The following USP13 variants were observed in gnomAD, a reference collection of about 807,000 sequenced individuals.
USP13 encodes the protein ubiquitin specific peptidase 13.
Under a neutral mutation model 107.8 loss-of-function variants are expected in USP13, and 68 were observed. That is an observed-to-expected ratio of 0.63 (90% CI 0.52 to 0.77). The LOEUF is 0.77. Among genes scored for constraint, USP13 ranks in the 30% least tolerant of loss-of-function variants. USP13 has a pLI of 0.00. For synonymous variants in USP13, 377 were observed against 389.5 expected, an observed-to-expected ratio of 0.97 and a Z score of 0.38; for missense variants, 945 against 1,093.3, an observed-to-expected ratio of 0.86 and a Z score of 1.91.
chr3:179,719,725 G>A (rs1713239399), intron 6 of USP13, among the ~76,000 whole-genome samples: 1 of 152,072 alleles, frequency 6.6e-6, no homozygotes, highest in Admixed American at 6.5e-5. Flanking sequence ...TTTCCAAAAT[G>A]TGAAAAGAAT....
intron 1 of USP13, among the ~76,000 whole-genome samples, chr3:179,667,894 C>T (rs556921223): frequency 1.3e-5 from 2 of 152,242 alleles, no homozygotes; most frequent in South Asian, 2.1e-4. Flanking sequence ...GTGATCTGGC[C>T]GCTTTGGCCT....
chr3:179,728,203 AC>A (rs1263992882), intron 8 of USP13, among the ~76,000 whole-genome samples: 8 of 125,884 alleles, frequency 6.4e-5, no homozygotes, highest in African/African-American at 2.1e-4. Context: ...CGGGGGGCTG[AC>A]CCCCCCACCT....
intron 6 of USP13, 131 bp downstream of exon 6, chr3:179,709,088 C>A: frequency 2.6e-6 from 3 of 1,135,344 alleles, no homozygotes; most frequent in Non-Finnish European, 2.4e-6. Context: ...CTAATTCTGC[C>A]TCTTATTAGT....
intron 10 of USP13, among the ~76,000 whole-genome samples, chr3:179,734,850 T>A (rs903483582): frequency 1.3e-5 from 2 of 152,230 alleles, no homozygotes; most frequent in Non-Finnish European, 2.9e-5. Context: ...TTTAAAAGTA[T>A]CTGTGCAAGT....
At position 179,764,183 on chromosome 3, in the gene USP13, C is replaced by CTGTGTG. The variant is rs3222346; in HGVS notation, c.2259+42_2259+47dup. On this transcript the variant is annotated intron_variant, in intron 18 of 20. Coordinates refer to ENST00000263966, the MANE Select transcript of USP13 (RefSeq NM_003940.3). ...TACGAGCAACGGTGAGCATGAGAGA[C>CTGTGTG]TGTGTGTGTGTGTGTGTGTGTGTGT... The CTGTGTG allele has an allele frequency of 5.5e-4, 791 of 1,447,986 alleles. No individual in the cohort carries two copies. The highest frequency in any genetic ancestry group is 2.5e-3 in the African/African-American group (172 of 69,214). 89.7% of individuals were successfully genotyped at this position (1,447,986 alleles called of 1,614,324 possible).
chr3:179,752,063 A>T (rs1714631809), intron 13 of USP13, among the ~76,000 whole-genome samples: 1 of 152,202 alleles, frequency 6.6e-6, no homozygotes, highest in Non-Finnish European at 1.5e-5. Context: ...TTAAACGATA[A>T]CATTCTACAT....
In USP13 at chr3:179,678,431, AT is replaced by A. The variant is rs1164001950; in HGVS notation, c.169-3446del. Among the ~76,000 whole-genome samples the A allele has an allele frequency of 6.6e-6, 1 of 152,102 alleles. No individual in the cohort carries two copies. Among genetic ancestry groups the A allele is most frequent in the Non-Finnish European group, 1.5e-5 (1 of 68,022 alleles). On this transcript the variant is annotated intron_variant, in intron 1 of 20. Coordinates refer to ENST00000263966, the MANE Select transcript of USP13 (RefSeq NM_003940.3). This position sits in a 1 kb window ranked among gnomAD's most constrained non-coding sequence, Gnocchi z 4.2. The stretch of plus-strand genomic sequence containing the variant: ...GATTTCAGGTAAAGGCAGAAAAGTT[AT>A]CCACAAGCACAAGCTATATTATAAT...
intron 1 of USP13, among the ~76,000 whole-genome samples, chr3:179,665,766 A>G (rs914161986): frequency 1.3e-5 from 2 of 152,034 alleles, no homozygotes; most frequent in African/African-American, 4.8e-5. Flanking sequence ...TTGTATTTTT[A>G]GTAGAGGCAG....
chr3:179,729,620 T>A (rs1287737759), intron 8 of USP13, among the ~76,000 whole-genome samples: 1 of 152,146 alleles, frequency 6.6e-6, no homozygotes, highest in Admixed American at 6.5e-5. Context: ...TCCAGGCACG[T>A]GCCACTGCAC....
intron 10 of USP13, among the ~76,000 whole-genome samples, chr3:179,739,627 G>C (rs778370238): frequency 1.3e-5 from 2 of 151,472 alleles, no homozygotes; most frequent in African/African-American, 4.9e-5. Flanking sequence ...GTGTGATCTC[G>C]GCTCACTGCA....
chr3:179,654,424 G>A (rs564262735), intron 1 of USP13, among the ~76,000 whole-genome samples: 1 of 152,242 alleles, frequency 6.6e-6, no homozygotes, highest in Admixed American at 6.5e-5. Flanking sequence ...AAGCTGAGAG[G>A]GATCGCCGCC....
At chr3:179,729,360 A>G (rs73885922) in intron 8 of USP13, among the ~76,000 whole-genome samples, 1,919 of 152,346 alleles carry the variant, frequency 0.013, 44 homozygotes, top group African/African-American at 0.044. Flanking sequence ...AACTGGATCT[A>G]CAAGGACAGA....
At chr3:179,778,969 C>T (rs1045217126) in intron 19 of USP13, among the ~76,000 whole-genome samples, 1 of 149,566 alleles carries the variant, frequency 6.7e-6, no homozygotes, top group Non-Finnish European at 1.5e-5. Context: ...GAGTGAGTCA[C>T]ATGACATCTG....
chr3:179,756,413 A>AAAACAAAC (rs71628093), intron 15 of USP13, among the ~76,000 whole-genome samples: 174 of 150,304 alleles, frequency 1.2e-3, no homozygotes, highest in African/African-American at 4.0e-3. Context: ...CTGTCTCAAA[A>AAAACAAAC]AAACAAACAA....
Position 179,770,680 on chromosome 3 carries a change from C to T in USP13, c.2413+4832C>T, listed in dbSNP as rs997467470. On this transcript the variant is annotated intron_variant, in intron 19 of 20. Coordinates refer to ENST00000263966, the MANE Select transcript of USP13 (RefSeq NM_003940.3). ...AGTGCAGTGGCGCCATCTCAGCAAA[C>T]TGCAACCTCCAACTCCCTGGTTCAA... 2.6e-5 allele frequency among the ~76,000 whole-genome samples: 4 copies of T among 151,880 alleles called. No individual in the cohort carries two copies. The South Asian group carries it at 8.3e-4, about 32-fold the overall frequency.
intron 3 of USP13, among the ~76,000 whole-genome samples, chr3:179,699,699 C>CAAAAAA (rs10646420): frequency 1.4e-4 from 16 of 118,156 alleles, no homozygotes; most frequent in Non-Finnish European, 2.0e-4. Flanking sequence ...CACCCTGCCT[C>CAAAAAA]AAAAAAAAAA....
At chr3:179,761,028 A>G in intron 16 of USP13, 84 bp from the exon 17 acceptor site, 1 of 1,526,922 alleles carries the variant, frequency 6.5e-7, no homozygotes, top group Non-Finnish European at 9.0e-7. Flanking sequence ...TTTGGGTAGC[A>G]TGTGGATAGG....
At chr3:179,714,348 C>T (rs1194047522) in intron 6 of USP13, among the ~76,000 whole-genome samples, 1 of 152,206 alleles carries the variant, frequency 6.6e-6, no homozygotes, top group Non-Finnish European at 1.5e-5. Context: ...GAGTTTCTCC[C>T]AGCCCCAGGG....
At chr3:179,702,130 CT>C (rs1420020204) in intron 4 of USP13, among the ~76,000 whole-genome samples, 1 of 152,178 alleles carries the variant, frequency 6.6e-6, no homozygotes. Flanking sequence ...CGCCGTTCTC[CT>C]GCCTCAGCCT....
Sources: gnomAD v4.1 joint callset for allele counts (sites outside exome capture counted in the v4.1 genomes callset) on GRCh38, gnomAD v4.1.1 for gene constraint, Gnocchi (gnomAD v3.1) non-coding constraint, MANE v1.5 for transcripts, NCBI Gene and HGNC (gene_info 2026-07-23, HGNC 2026-07-21) for gene names.